GSC2: variants seen among roughly 807,000 people sequenced by gnomAD.
The protein encoded by GSC2 is goosecoid homeobox 2.
GSC2 carries 12 observed loss-of-function variants against 11.3 expected under a neutral mutation model. That is an observed-to-expected ratio of 1.06 (90% CI 0.68 to 1.72). The LOEUF (loss-of-function observed/expected upper bound fraction) is 1.72, where lower values mean the gene tolerates loss of function less well. Among genes scored for constraint, GSC2 ranks in the 40% most tolerant of loss-of-function variants. GSC2 has a pLI of 0.00. For missense variants in GSC2, 310 were observed against 235.7 expected, an observed-to-expected ratio of 1.32 and a Z score of -2.06; for synonymous variants, 148 against 110.0, an observed-to-expected ratio of 1.35 and a Z score of -2.16.
Position 19,149,097 on chromosome 22 carries a change from T to G in GSC2, c.514-2A>C, listed in dbSNP as rs554239920. 1.9e-6 allele frequency: 3 copies of G among 1,559,818 alleles called. No individual in the cohort carries two copies. The highest frequency in any genetic ancestry group is 1.7e-4 in the Middle Eastern group (1 of 5,904). ...GGCCCGGCGGTTCTTGAACCAGACC[T>G]GGGGATGGGGGGAATGCTCAGCCCT... On this transcript the variant is annotated splice_acceptor_variant, in intron 2 of 2. Transcript: ENST00000086933. LOFTEE classifies it high-confidence loss of function.
chr22:19,149,983 C>G (rs2083819040), intron 1 of GSC2, 42 bp downstream of exon 1: 3 of 1,129,130 alleles, frequency 2.7e-6, no homozygotes, highest in Non-Finnish European at 3.2e-6. Context: ...CGCCGCGCCC[C>G]GGGCTCCGCC....
chr22:19,149,437 G>A (rs1393663086), intron 2 of GSC2, among the ~76,000 whole-genome samples: 1 of 152,242 alleles, frequency 6.6e-6, no homozygotes, highest in Non-Finnish European at 1.5e-5. Context: ...TAAAACAAAA[G>A]AAAAGAAAAG....
Position 19,150,253 on chromosome 22 carries a change from G to T in GSC2, c.31C>A (p.Arg11Ser), listed in dbSNP as rs781881950. 3 of 229,462 alleles carry T rather than the reference G, an allele frequency of 1.3e-5. No homozygotes were observed. The highest frequency in any genetic ancestry group is 2.4e-5 in the Non-Finnish European group (3 of 126,234). The allele number at this position is 229,462 out of a possible 1,614,324, so 14.2% of individuals were successfully genotyped here. The change falls in exon 1 of 3, where the codon CGC (arginine) becomes AGC (serine). Residue 11 changes from arginine (R) to serine (S), a missense_variant. Arg to Ser is a moderately radical substitution (Grantham distance 110). Coordinates refer to ENST00000086933, the MANE Select transcript of GSC2 (RefSeq NM_005315.2). MAAAAGGAAS[R>S]RGAGRPCPFS... ...GGGCAGGGCCGCCCGGCACCCCGGCGGCTCGCCGCGCCCCCAGCCGCTGCC... is the reference window on the plus strand; with the variant it reads ...GGGCAGGGCCGCCCGGCACCCCGGCTGCTCGCCGCGCCCCCAGCCGCTGCC...
chr22:19,148,910 C>T lies in GSC2; in HGVS notation c.*81G>A. The T allele has an allele frequency of 2.5e-6, 2 of 811,352 alleles. No individual in the cohort carries two copies. The highest frequency in any genetic ancestry group is 3.3e-5 in the South Asian group (2 of 61,178). 50.3% of individuals were successfully genotyped at this position (811,352 alleles called of 1,614,324 possible). A position where few individuals can be genotyped will look rare whatever the true frequency, so the allele number is the denominator to read the frequency against. On this transcript the variant is annotated 3_prime_UTR_variant, in exon 3 of 3. Transcript: ENST00000086933. Reference sequence around the variant, plus strand: ...CCGGTGTACTCTCCCAGCTCCTTTTCGGGTAGACCTGTCTTCTCTCAGCGC... The same window carrying T: ...CCGGTGTACTCTCCCAGCTCCTTTTTGGGTAGACCTGTCTTCTCTCAGCGC...
intron 2 of GSC2, 71 bp downstream of exon 2, chr22:19,149,592 G>A (rs545192893): frequency 2.2e-6 from 3 of 1,394,042 alleles, no homozygotes; most frequent in East Asian, 3.0e-5. Context: ...AAGGGCGCCC[G>A]CCCGCCAGGA....
rs781900647 is a variant in GSC2, at chr22:19,149,103, TG to T, written c.514-9del. ...GCGGTTCTTGAACCAGACCTGGGGA[TG>T]GGGGGAATGCTCAGCCCTAGCCCCA... is the stretch of plus-strand genomic sequence containing the variant. On this transcript the variant is annotated splice_polypyrimidine_tract_variant and intron_variant, in intron 2 of 2. Transcript: ENST00000086933. 7.8e-6 allele frequency: 12 copies of T among 1,538,380 alleles called. No homozygotes were observed. The highest frequency in any genetic ancestry group is 2.4e-5 in the East Asian group (1 of 42,336).
chr22:19,149,175 G>C, intron 2 of GSC2, 80 bp from the exon 3 acceptor site: 2 of 855,056 alleles, frequency 2.3e-6, no homozygotes, highest in South Asian at 3.8e-5. Context: ...GGGACCGAGA[G>C]GGGAGCTTCG....
chr22:19,149,360 C>T (rs1271215892), intron 2 of GSC2, among the ~76,000 whole-genome samples: 1 of 152,260 alleles, frequency 6.6e-6, no homozygotes, highest in South Asian at 2.1e-4. Flanking sequence ...TCTTGGGTTG[C>T]GGGCTCTTCT....
chr22:19,149,687 G>A lies in GSC2; in HGVS notation c.489C>T (p.Ile163=), dbSNP rs781865050. The stretch of plus-strand genomic sequence containing the variant: ...CCTCCACGCGCTCCTCGCGAAGGCG[G>A]ATGCGGCCGGCCAGGCGCTCGCGCG... ...VSTRERLAGR[I]RLREERVEVW... is the part of the protein sequence containing the mutation. Residue 163 remains isoleucine, a synonymous_variant, in exon 2 of 3, where the codon ATC becomes ATT. Coordinates refer to ENST00000086933, the MANE Select transcript of GSC2 (RefSeq NM_005315.2). 1.3e-6 allele frequency: 2 copies of A among 1,562,804 alleles called. No individual in the cohort carries two copies. Among genetic ancestry groups the A allele is most frequent in the Non-Finnish European group, 1.7e-6 (2 of 1,158,220 alleles).
chr22:19,149,562 G>T, intron 2 of GSC2, 101 bp downstream of exon 2: 4 of 1,278,218 alleles, frequency 3.1e-6, no homozygotes, highest in Non-Finnish European at 4.1e-6. Flanking sequence ...GGCGGGGCTT[G>T]GGCCGAGGCC....
At position 19,149,026 on chromosome 22, in the gene GSC2, G is replaced by A. The variant is rs782033462; in HGVS notation, c.583C>T (p.Pro195Ser). 13 of 1,601,578 alleles carry A rather than the reference G, an allele frequency of 8.1e-6. No individual in the cohort carries two copies. The East Asian group carries it at 2.5e-4, about 31-fold the overall frequency. ...KRASASARLL[P>S]GVKKSPKGSC is the part of the protein sequence containing the mutation. ...CCCTTCGGGGACTTCTTGACGCCGG[G>A]CAGGAGCCTCGCGGAAGCCGACGCG... Residue 195 changes from proline to serine, a missense_variant, in exon 3 of 3, where the codon CCC (proline) becomes TCC (serine). Physicochemically the swap from Pro to Ser is moderately conservative, Grantham distance 74 (BLOSUM62 -1). Transcript: ENST00000086933.
In GSC2 at chr22:19,150,136, G is replaced by A. The variant is rs2083820806; in HGVS notation, c.148C>T (p.Pro50Ser). 1.0e-6 allele frequency: 1 copy of A among 958,774 alleles called. No homozygotes were observed. The allele number at this position is 958,774 out of a possible 1,614,324, so 59.4% of individuals were successfully genotyped here. ...GCCCCGGGCTCCTCTGGCTTCGCGG[G>A]GCTCTGGCGACCGGCGGGCTGCGGT... The part of the protein sequence containing the change: ...CPPQPAGRQS[P>S]AKPEEPGAPE... The change falls in exon 1 of 3, where the codon CCC (proline) becomes TCC (serine). Residue 50 changes from proline (P) to serine (S), a missense_variant. Transcript: ENST00000086933.
At chr22:19,149,220 G>A (rs2083811226) in intron 2 of GSC2, 125 bp from the exon 3 acceptor site, 1 of 598,946 alleles carries the variant, frequency 1.7e-6, no homozygotes, top group Non-Finnish European at 2.8e-6. Flanking sequence ...CTGTAGAGCC[G>A]ACACCCGGGC....
chr22:19,149,212 G>C (rs1001983311), intron 2 of GSC2, 117 bp from the exon 3 acceptor site: 64 of 625,024 alleles, frequency 1.0e-4, no homozygotes, highest in Non-Finnish European at 1.7e-4. Flanking sequence ...GGACGGCGCT[G>C]TAGAGCCGAC....
At position 19,149,910 on chromosome 22, in the gene GSC2, C is replaced by T. The variant is rs2083818522; in HGVS notation, c.266G>A (p.Arg89His). 1 of 1,347,884 alleles carries T rather than the reference C, an allele frequency of 7.4e-7. No individual in the cohort carries two copies. Among genetic ancestry groups the T allele is most frequent in the Admixed American group, 4.1e-5 (1 of 24,330 alleles). The allele number at this position is 1,347,884 out of a possible 1,614,324, so 83.5% of individuals were successfully genotyped here. The change falls in exon 2 of 3, where the codon CGT becomes CAT. Residue 89 changes from arginine (R) to histidine (H), a missense_variant. By Grantham distance (29) the Arg-to-His change is conservative (BLOSUM62 0). Transcript: ENST00000086933. ...TCCCAGCCTCAGCGGCCACGCCAGA[C>T]GAGCGCCTGCGGAGCGAGGGCGCGG... ...PPEAAAGLGA[R>H]LAWPLRLGPA...
In GSC2 at chr22:19,148,886, C is replaced by T. The variant is rs1431416270; in HGVS notation, c.*105G>A. 4.5e-6 allele frequency: 3 copies of T among 667,122 alleles called. No individual in the cohort carries two copies. Among genetic ancestry groups the T allele is most frequent in the Non-Finnish European group, 2.6e-6 (1 of 389,302 alleles). 41.3% of individuals were successfully genotyped at this position (667,122 alleles called of 1,614,324 possible). A position where few individuals can be genotyped will look rare whatever the true frequency, so the allele number is the denominator to read the frequency against. On this transcript the variant is annotated 3_prime_UTR_variant, in exon 3 of 3. Transcript: ENST00000086933. The stretch of plus-strand genomic sequence containing the variant: ...GGCTGTGGAGACGGGTGGAGGCGGC[C>T]GGTGTACTCTCCCAGCTCCTTTTCG...
Position 19,150,291 on chromosome 22 carries a change from C to G in GSC2, c.-8G>C. ...CCCAGCCGCTGCCGCCATGCCCGGC[C>G]CGGCCGGGGCGCCGCCGCCGCGGGA... On this transcript the variant is annotated 5_prime_UTR_variant, in exon 1 of 3. Coordinates refer to ENST00000086933, the MANE Select transcript of GSC2 (RefSeq NM_005315.2). 5.8e-6 allele frequency: 1 copy of G among 173,194 alleles called. No homozygotes were observed. The highest frequency in any genetic ancestry group is 1.2e-5 in the Non-Finnish European group (1 of 85,076). 10.7% of individuals were successfully genotyped at this position (173,194 alleles called of 1,614,324 possible). A position where few individuals can be genotyped will look rare whatever the true frequency, so the allele number is the denominator to read the frequency against.
rs2083818357 is a variant in GSC2, at chr22:19,149,889, A to G, written c.287T>C (p.Leu96Pro). The G allele has an allele frequency of 3.6e-6, 5 of 1,402,674 alleles. No homozygotes were observed. In the African/African-American group the frequency reaches 7.6e-5, roughly 21 times the overall value. 86.9% of individuals were successfully genotyped at this position (1,402,674 alleles called of 1,614,324 possible). A position where few individuals can be genotyped will look rare whatever the true frequency, so the allele number is the denominator to read the frequency against. Residue 96 changes from leucine (L) to proline (P), a missense_variant, in exon 2 of 3, where the codon CTG (leucine) becomes CCG (proline). Leu to Pro is a moderately conservative substitution (Grantham distance 98). Coordinates refer to ENST00000086933, the MANE Select transcript of GSC2 (RefSeq NM_005315.2). ...CAGAGACAAGGGCACCGCCGGTCCC[A>G]GCCTCAGCGGCCACGCCAGACGAGC... ...LGARLAWPLR[L>P]GPAVPLSLGA...
At position 19,148,177 on chromosome 22, in the gene GSC2, A is replaced by C. The variant is rs1223362240; in HGVS notation, c.*814T>G. ...AGCCTAGAGGCCAGGGCTGGACCCCAGGGGTCCAAGGCCACCATCCGTGGA... is the reference window on the plus strand; with the variant it reads ...AGCCTAGAGGCCAGGGCTGGACCCCCGGGGTCCAAGGCCACCATCCGTGGA... On this transcript the variant is annotated 3_prime_UTR_variant, in exon 3 of 3. Coordinates refer to ENST00000086933, the MANE Select transcript of GSC2 (RefSeq NM_005315.2). Among the ~76,000 whole-genome samples the C allele has an allele frequency of 6.6e-6, 1 of 152,164 alleles. No homozygotes were observed. The highest frequency in any genetic ancestry group is 1.5e-5 in the Non-Finnish European group (1 of 68,012).
Sources: allele counts gnomAD v4.1 joint callset (sites outside exome capture counted in the v4.1 genomes callset), GRCh38; gene constraint gnomAD v4.1.1; transcripts MANE v1.5; gene names NCBI Gene and HGNC (gene_info 2026-07-23, HGNC 2026-07-21).